PKD1L1: variants seen among roughly 807,000 people sequenced by gnomAD.
PKD1L1 encodes polycystin 1 like 1, transient receptor potential channel interacting.
A neutral mutation model predicts 323.4 loss-of-function variants in PKD1L1; 236 were observed. The observed-to-expected ratio is 0.73, with a 90% CI of 0.66 to 0.81. The LOEUF is 0.81. Ranked by LOEUF, PKD1L1 falls within the 40% of genes least tolerant of loss-of-function variation. PKD1L1 has a pLI of 0.00. For synonymous variants in PKD1L1, 1,344 were observed against 1,335.0 expected (o/e 1.01, Z -0.15); for missense variants, 3,320 against 3,508.0 (o/e 0.95, Z 1.35).
intron 52 of PKD1L1, among the ~76,000 whole-genome samples, chr7:47,807,613 G>C (rs1784808007): frequency 6.6e-6 from 1 of 152,156 alleles, no homozygotes; most frequent in African/African-American, 2.4e-5. Context: ...CACCACCACA[G>C]GAAGGCAGCG....
chr7:47,861,131 G>C (rs1786014453), intron 26 of PKD1L1, among the ~76,000 whole-genome samples: 1 of 152,212 alleles, frequency 6.6e-6, no homozygotes, highest in Non-Finnish European at 1.5e-5. Flanking sequence ...GCTACGGAAT[G>C]TGTGTGAATG....
At chr7:47,807,978 C>T (rs1784815958) in intron 52 of PKD1L1, among the ~76,000 whole-genome samples, 1 of 152,126 alleles carries the variant, frequency 6.6e-6, no homozygotes, top group Non-Finnish European at 1.5e-5. Context: ...TTCCTGTGCC[C>T]CTTAGCGTCC....
chr7:47,878,460 T>C (rs2128745951), intron 21 of PKD1L1, among the ~76,000 whole-genome samples: 1 of 152,330 alleles, frequency 6.6e-6, no homozygotes, highest in South Asian at 2.1e-4. Flanking sequence ...ATCATCCTCA[T>C]CGTAACAGCA....
At chr7:47,945,563 G>C (rs1056724002) in intron 1 of PKD1L1, among the ~76,000 whole-genome samples, 1 of 152,020 alleles carries the variant, frequency 6.6e-6, no homozygotes, top group Admixed American at 6.5e-5. Context: ...CCAAAGGCCA[G>C]AGAAATGAAA....
the PKD1L1 span, among the ~76,000 whole-genome samples, chr7:47,960,054 TG>T: frequency 1.3e-5 from 2 of 152,140 alleles, no homozygotes; most frequent in African/African-American, 4.8e-5. Flanking sequence ...GTGATCCTGT[TG>T]ATCAGTGACC....
At position 47,899,590 on chromosome 7, in the gene PKD1L1, C is replaced by A. The variant is rs867294495; in HGVS notation, c.2065-1396G>T. On this transcript the variant is annotated intron_variant, in intron 13 of 56. Coordinates refer to ENST00000289672, the MANE Select transcript of PKD1L1 (RefSeq NM_138295.5). Reference sequence around the variant, plus strand: ...ATAGAGTCTCTGCCTGGCCAGAGCGCCTCCACCCTGCAGATGCTGGGTGCA... The same window carrying A: ...ATAGAGTCTCTGCCTGGCCAGAGCGACTCCACCCTGCAGATGCTGGGTGCA... 4.6e-5 allele frequency among the ~76,000 whole-genome samples: 7 copies of A among 152,032 alleles called. No homozygotes were observed. In the South Asian group the frequency reaches 1.5e-3, roughly 32 times the overall value.
intron 56 of PKD1L1, among the ~76,000 whole-genome samples, chr7:47,792,162 C>T (rs1169433609): frequency 6.6e-6 from 1 of 152,198 alleles, no homozygotes; most frequent in Non-Finnish European, 1.5e-5. Flanking sequence ...AACCAGGGGC[C>T]TTTGTTGGCT....
intron 51 of PKD1L1, among the ~76,000 whole-genome samples, chr7:47,808,723 G>A (rs1784833302): frequency 6.6e-6 from 1 of 152,160 alleles, no homozygotes; most frequent in African/African-American, 2.4e-5. Context: ...AAAAGATACA[G>A]TAAAAATACA....
intron 56 of PKD1L1, among the ~76,000 whole-genome samples, chr7:47,782,942 G>T (rs372650684): frequency 8.5e-5 from 13 of 152,182 alleles, no homozygotes; most frequent in African/African-American, 3.1e-4. Context: ...AAATGGATTC[G>T]ATCTTTACTA....
At chr7:47,895,724 C>A (rs1242427556) in intron 14 of PKD1L1, among the ~76,000 whole-genome samples, 1 of 152,060 alleles carries the variant, frequency 6.6e-6, no homozygotes. Context: ...CACTTAAATG[C>A]GTAGTCAAAC....
At chr7:47,960,137 A>C in the PKD1L1 span, among the ~76,000 whole-genome samples, 2 of 150,972 alleles carry the variant, frequency 1.3e-5, no homozygotes, top group African/African-American at 4.8e-5. Context: ...AGGGTGGTGC[A>C]AGATGTGCTT....
intron 42 of PKD1L1, 86 bp from the exon 43 acceptor site, chr7:47,830,210 G>C (rs909636248): frequency 9.0e-7 from 1 of 1,115,232 alleles, no homozygotes; most frequent in African/African-American, 1.6e-5. Flanking sequence ...CAGGGACACT[G>C]CCTGAGAGGG....
chr7:47,827,251 A>G (rs1160871495), intron 45 of PKD1L1, 99 bp downstream of exon 45: 31 of 1,093,534 alleles, frequency 2.8e-5, no homozygotes, highest in Non-Finnish European at 4.0e-5. Context: ...CCACTCCTCC[A>G]GGAGAACAAT....
chr7:47,785,744 C>CTT (rs58949004), intron 56 of PKD1L1, among the ~76,000 whole-genome samples: 15 of 141,166 alleles, frequency 1.1e-4, no homozygotes, highest in Admixed American at 3.6e-4. Context: ...ATATTTCTTT[C>CTT]TTTTTTTTTT....
intron 8 of PKD1L1, among the ~76,000 whole-genome samples, chr7:47,911,072 T>C (rs1048506039): frequency 2.6e-5 from 4 of 152,148 alleles, no homozygotes; most frequent in South Asian, 2.1e-4. Flanking sequence ...ATGTGTCGAA[T>C]TGTAATACCC....
At chr7:47,862,192 C>T (rs1184404730) in intron 26 of PKD1L1, among the ~76,000 whole-genome samples, 5 of 150,944 alleles carry the variant, frequency 3.3e-5, no homozygotes, top group Non-Finnish European at 7.4e-5. Flanking sequence ...GAGACTCTGT[C>T]TGAAAAAAAA....
At chr7:47,798,356 G>A (rs2128725197) in intron 54 of PKD1L1, among the ~76,000 whole-genome samples, 1 of 152,304 alleles carries the variant, frequency 6.6e-6, no homozygotes, top group African/African-American at 2.4e-5. Flanking sequence ...GGAAAAATTG[G>A]ATATTCATTT....
Position 47,803,202 on chromosome 7 carries a change from G to A in PKD1L1, c.7962+8C>T. On this transcript the variant is annotated splice_region_variant and intron_variant, in intron 53 of 56. Coordinates refer to ENST00000289672, the MANE Select transcript of PKD1L1 (RefSeq NM_138295.5). ...GGGAAATCACCTGATAAAGGGGAGA[G>A]TTCTTACCCCTGCTACAAAGATGCT... is the stretch of plus-strand genomic sequence containing the variant. 8 of 1,614,136 alleles carry A rather than the reference G, an allele frequency of 5.0e-6. No homozygotes were observed. Among genetic ancestry groups the A allele is most frequent in the Non-Finnish European group, 5.9e-6 (7 of 1,180,006 alleles).
chr7:47,876,155 C>T lies in PKD1L1; in HGVS notation c.3726G>A (p.Gly1242=), dbSNP rs1786398790. 3.7e-6 allele frequency: 6 copies of T among 1,613,994 alleles called. No homozygotes were observed. In the African/African-American group the frequency reaches 6.7e-5, roughly 18 times the overall value. The part of the protein sequence containing the change: ...GNTSKHTLYH[G]RDTQYYFVLP... ...ACACAAAATAATACTGGGTGTCTCTCCCATGGTACAAAGTGTGTTTGGAGG... is the reference window on the plus strand; with the variant it reads ...ACACAAAATAATACTGGGTGTCTCTTCCATGGTACAAAGTGTGTTTGGAGG... The change falls in exon 23 of 57, where the codon GGG becomes GGA. Residue 1242 remains glycine, a synonymous_variant. Transcript: ENST00000289672.
Sources: allele counts gnomAD v4.1 joint callset (sites outside exome capture counted in the v4.1 genomes callset), GRCh38; gene constraint gnomAD v4.1.1; transcripts MANE v1.5; gene names NCBI Gene and HGNC (gene_info 2026-07-23, HGNC 2026-07-21).